The following LIPN variants were observed in gnomAD, a reference collection of about 807,000 sequenced individuals.
LIPN encodes the protein lipase member N.
A neutral mutation model predicts 43.7 loss-of-function variants in LIPN; 32 were observed. The ratio of observed to expected loss-of-function variants is 0.73; its 90% CI spans 0.55 to 0.98. LIPN has a LOEUF of 0.98. Among genes scored for constraint, LIPN ranks in the 50% least tolerant of loss-of-function variants. LIPN has a pLI of 0.00. For synonymous variants in LIPN, 156 were observed against 157.6 expected (o/e 0.99, Z 0.08); for missense variants, 505 against 483.8 (o/e 1.04, Z -0.41).
intron 3 of LIPN, among the ~76,000 whole-genome samples, 153 bp from the exon 4 acceptor site, chr10:88,764,257 G>T (rs1478620705): frequency 6.6e-6 from 1 of 151,882 alleles, no homozygotes; most frequent in Non-Finnish European, 1.5e-5. Flanking sequence ...CTATTGACAA[G>T]GGAAAAGTGA....
At chr10:88,770,099 T>C (rs1336391525) in intron 6 of LIPN, among the ~76,000 whole-genome samples, 3 of 151,894 alleles carry the variant, frequency 2.0e-5, no homozygotes, top group Non-Finnish European at 4.4e-5. Context: ...ATATTCCTGC[T>C]ACTTTTAAGT....
At position 88,766,292 on chromosome 10, in the gene LIPN, A is replaced by G; in HGVS notation, c.449A>G (p.Asp150Gly). 6.2e-7 allele frequency: 1 copy of G among 1,602,988 alleles called. No homozygotes were observed. The highest frequency in any genetic ancestry group is 8.5e-7 in the Non-Finnish European group (1 of 1,172,302). The change falls in exon 5 of 10, where the codon GAT becomes GGT. Residue 150 changes from aspartate (D) to glycine (G), a missense_variant. Transcript: ENST00000404459. ...AFSFDEMAKY[D>G]LPGVIDFIVN... ...AGTTTTGATGAAATGGCCAAATATG[A>G]TCTCCCAGGAGTAATAGACTTCATT...
At chr10:88,762,351 G>C in intron 3 of LIPN, 46 bp downstream of exon 3, 1 of 1,177,944 alleles carries the variant, frequency 8.5e-7, no homozygotes, top group Non-Finnish European at 1.2e-6. Context: ...TTGACCTCCT[G>C]CTTCTCAGGA....
At chr10:88,772,601 C>G (rs1843228728) in intron 7 of LIPN, among the ~76,000 whole-genome samples, 1 of 151,746 alleles carries the variant, frequency 6.6e-6, no homozygotes, top group Admixed American at 6.6e-5. Context: ...TTATTCTGTT[C>G]CATTGGTCTA....
chr10:88,764,772 C>G (rs1466040913), intron 4 of LIPN, among the ~76,000 whole-genome samples, 164 bp downstream of exon 4: 1 of 152,000 alleles, frequency 6.6e-6, no homozygotes, highest in Admixed American at 6.6e-5. Flanking sequence ...TGATTTTTCA[C>G]TGATTCTCCC....
intron 6 of LIPN, among the ~76,000 whole-genome samples, chr10:88,770,634 A>T (rs555024755): frequency 6.6e-6 from 1 of 151,996 alleles, no homozygotes; most frequent in African/African-American, 2.4e-5. Flanking sequence ...TAGATCCCCA[A>T]GCATGGCTCT....
Position 88,778,377 on chromosome 10 carries a change from A to T in LIPN, c.*135A>T. 1.6e-6 allele frequency: 1 copy of T among 628,844 alleles called. No homozygotes were observed. Among genetic ancestry groups the T allele is most frequent in the Non-Finnish European group, 2.8e-6 (1 of 359,812 alleles). The allele number at this position is 628,844 out of a possible 1,614,324, so 39.0% of individuals were successfully genotyped here. ...ACAGTGGAGTCTGTTTTCCAAGTCA[A>T]TTGTGTTAGTGTTATTTATGTTTAG... On this transcript the variant is annotated 3_prime_UTR_variant, in exon 10 of 10. Transcript: ENST00000404459.
chr10:88,763,394 A>C (rs879726526), intron 3 of LIPN, among the ~76,000 whole-genome samples: 23 of 152,028 alleles, frequency 1.5e-4, no homozygotes, highest in Non-Finnish European at 2.9e-4. Flanking sequence ...AAAAGGAGAA[A>C]ACTTTTATGG....
In LIPN at chr10:88,778,114, C is replaced by T. The variant is rs1590185500; in HGVS notation, c.1069C>T (p.Pro357Ser). Residue 357 changes from proline (P) to serine (S), a missense_variant, in exon 10 of 10, where the codon CCT becomes TCT. Physicochemically the swap from Pro to Ser is moderately conservative, Grantham distance 74. Coordinates refer to ENST00000404459, the MANE Select transcript of LIPN (RefSeq NM_001102469.2). ...VTPQDVARILPQIKSLHYFKL... is the reference protein window; with the variant it reads ...VTPQDVARILSQIKSLHYFKL... ...ACCCCAGGATGTGGCCAGGATACTC[C>T]CTCAAATCAAGAGTCTTCATTACTT... 6.2e-7 allele frequency: 1 copy of T among 1,613,624 alleles called. No individual in the cohort carries two copies. Among genetic ancestry groups the T allele is most frequent in the Non-Finnish European group, 8.5e-7 (1 of 1,179,726 alleles).
upstream of LIPN, among the ~76,000 whole-genome samples, chr10:88,757,269 A>T (rs1398105122): frequency 6.6e-6 from 1 of 152,148 alleles, no homozygotes; most frequent in East Asian, 1.9e-4. Context: ...GGGCAGGAAA[A>T]TGATATAATT....
chr10:88,764,334 A>G, intron 3 of LIPN, 76 bp from the exon 4 acceptor site: 4 of 1,128,558 alleles, frequency 3.5e-6, no homozygotes, highest in Admixed American at 4.1e-5. Context: ...TGCTCTATTT[A>G]ACATAAATTA....
intron 7 of LIPN, 62 bp from the exon 8 acceptor site, chr10:88,774,411 C>T (rs1290282227): frequency 9.4e-6 from 10 of 1,066,748 alleles, no homozygotes; most frequent in Non-Finnish European, 1.4e-5. Context: ...TCATTTTTCT[C>T]TGATTCTGAA....
chr10:88,762,539 T>C (rs1843020170), intron 3 of LIPN, among the ~76,000 whole-genome samples: 1 of 152,112 alleles, frequency 6.6e-6, no homozygotes. Context: ...CCAGAGGTAC[T>C]TGTTAGGGTG....
chr10:88,774,198 T>C (rs1008965902), intron 7 of LIPN, among the ~76,000 whole-genome samples: 1 of 152,030 alleles, frequency 6.6e-6, no homozygotes, highest in Non-Finnish European at 1.5e-5. Flanking sequence ...TGCTCCATGA[T>C]GACCATTACT....
At chr10:88,777,900 G>T (rs1843321089) in intron 9 of LIPN, 109 bp from the exon 10 acceptor site, 1 of 632,096 alleles carries the variant, frequency 1.6e-6, no homozygotes, top group Non-Finnish European at 2.8e-6. Flanking sequence ...TTCATATGTT[G>T]CTGGTGCCTA....
In LIPN at chr10:88,775,146, A is replaced by G; in HGVS notation, c.946A>G (p.Met316Val). The change falls in exon 9 of 10, where the codon ATG becomes GTG. Residue 316 changes from methionine to valine, a missense_variant. Coordinates refer to ENST00000404459, the MANE Select transcript of LIPN (RefSeq NM_001102469.2). Reference protein sequence around the residue: ...AYDWGNDADNMKHYNQSHPPI... With the variant: ...AYDWGNDADNVKHYNQSHPPI... ...TGACTGGGGAAATGACGCTGATAAT[A>G]TGAAACATTACAATCAGGTGAGCTA... 6.5e-7 allele frequency: 1 copy of G among 1,544,744 alleles called. No individual in the cohort carries two copies. The highest frequency in any genetic ancestry group is 8.8e-7 in the Non-Finnish European group (1 of 1,142,026).
intron 5 of LIPN, among the ~76,000 whole-genome samples, chr10:88,767,517 C>T (rs959227440): frequency 6.6e-6 from 1 of 151,414 alleles, no homozygotes; most frequent in Non-Finnish European, 1.5e-5. Flanking sequence ...CAGATTCAAA[C>T]CAGATGTATC....
chr10:88,769,410 A>G (rs1408763270), intron 6 of LIPN: 1 of 164,558 alleles, frequency 6.1e-6, no homozygotes, highest in Non-Finnish European at 1.3e-5. Flanking sequence ...GCCTAAATGT[A>G]TTACAGCTCA....
At chr10:88,758,259 G>T (rs531674352), upstream of LIPN, among the ~76,000 whole-genome samples, 22 of 151,616 alleles carry the variant, frequency 1.5e-4, no homozygotes, top group South Asian at 4.2e-3. Context: ...CCATCATTAA[G>T]CAGTTAGCTT....
Sources: gnomAD v4.1 joint callset for allele counts (sites outside exome capture counted in the v4.1 genomes callset) on GRCh38, gnomAD v4.1.1 for gene constraint, MANE v1.5 for transcripts, NCBI Gene and HGNC (gene_info 2026-07-23, HGNC 2026-07-21) for gene names.